TAOK3: variants seen among roughly 807,000 people sequenced by gnomAD.
TAOK3 encodes TAO kinase 3, also known as serine/threonine-protein kinase TAO3.
In TAOK3, 40 loss-of-function variants were observed where a neutral mutation model predicts 120.4. The ratio of observed to expected loss-of-function variants is 0.33; its 90% CI spans 0.26 to 0.43. TAOK3 has a LOEUF of 0.43. Ranked by LOEUF, TAOK3 falls within the 20% of genes least tolerant of loss-of-function variation. The pLI is 1.00. For missense variants in TAOK3, 821 were observed against 1,112.1 expected (o/e 0.74, Z 3.72); for synonymous variants, 355 against 387.5 (o/e 0.92, Z 0.99).
At chr12:118,191,321 T>C (rs2037418638) in intron 13 of TAOK3, among the ~76,000 whole-genome samples, 2 of 152,348 alleles carry the variant, frequency 1.3e-5, no homozygotes, top group South Asian at 4.1e-4. Flanking sequence ...TAAATTTATG[T>C]ATTATAGCTC....
chr12:118,253,025 C>T (rs368099833), intron 3 of TAOK3, among the ~76,000 whole-genome samples: 1 of 151,674 alleles, frequency 6.6e-6, no homozygotes, highest in Non-Finnish European at 1.5e-5. Flanking sequence ...TGCGCCCAGC[C>T]GAAATTAGCA....
intron 9 of TAOK3, among the ~76,000 whole-genome samples, chr12:118,228,348 C>T (rs1035293624): frequency 1.3e-5 from 2 of 151,914 alleles, no homozygotes; most frequent in African/African-American, 4.8e-5. Flanking sequence ...GATGGGGTTT[C>T]GGCATGTTGG....
intron 1 of TAOK3, among the ~76,000 whole-genome samples, chr12:118,279,728 C>T (rs1430080011): frequency 1.3e-5 from 2 of 150,570 alleles, no homozygotes; most frequent in Non-Finnish European, 3.0e-5. Context: ...GGGCTACAGG[C>T]ATGCAACACC....
chr12:118,335,538 G>A (rs2044332380), intron 1 of TAOK3, among the ~76,000 whole-genome samples: 1 of 151,714 alleles, frequency 6.6e-6, no homozygotes, highest in Non-Finnish European at 1.5e-5. Flanking sequence ...TATTAAAGAA[G>A]AATTAACACA....
intron 1 of TAOK3, among the ~76,000 whole-genome samples, chr12:118,338,144 G>A (rs1016419051): frequency 1.3e-5 from 2 of 152,132 alleles, no homozygotes; most frequent in South Asian, 2.1e-4. Flanking sequence ...AGCATTTATT[G>A]AGTTGCTCTT....
At position 118,371,473 on chromosome 12, in the gene TAOK3, T is replaced by C. The variant is rs55851127; in HGVS notation, c.-194+1175A>G. ...AGCCAGCCCCACCAGCCCCTCCAGC[T>C]CCTCCAGCCCATGCGTTTCACTTCA... On this transcript the variant is annotated intron_variant, in intron 1 of 20. Transcript: ENST00000392533. The surrounding 1 kb of genome is among the most constrained non-coding windows in gnomAD (Gnocchi z 5.5). Among the ~76,000 whole-genome samples the C allele has an allele frequency of 8.5e-3, 1,293 of 152,070 alleles. 10 individuals carry two copies. Among genetic ancestry groups the C allele is most frequent in the Non-Finnish European group, 0.014 (980 of 67,980 alleles).
rs953328389 is a variant in TAOK3, at chr12:118,161,157, G to A, written c.2139+631C>T. Among the ~76,000 whole-genome samples the A allele has an allele frequency of 6.6e-5, 10 of 152,212 alleles. No individual in the cohort carries two copies. The highest frequency in any genetic ancestry group is 8.8e-5 in the Non-Finnish European group (6 of 68,038). Reference sequence around the variant, plus strand: ...GAGACGCATAGCCAGTGTGATCCAGGTTGGCCTCATATCTGTGGCAACACT... The same window carrying A: ...GAGACGCATAGCCAGTGTGATCCAGATTGGCCTCATATCTGTGGCAACACT... On this transcript the variant is annotated intron_variant, in intron 18 of 20. Transcript: ENST00000392533. This position sits in a 1 kb window ranked among gnomAD's most constrained non-coding sequence, Gnocchi z 4.5.
intron 2 of TAOK3, among the ~76,000 whole-genome samples, chr12:118,262,924 A>G (rs2041295594): frequency 6.6e-6 from 1 of 152,124 alleles, no homozygotes. Flanking sequence ...TGACATAAAG[A>G]CATAATGAAG....
intron 1 of TAOK3, among the ~76,000 whole-genome samples, chr12:118,294,016 A>C (rs79754211): frequency 2.1e-5 from 3 of 144,388 alleles, no homozygotes; most frequent in African/African-American, 5.2e-5. Flanking sequence ...ACTCCATTTC[A>C]AAAAAAAAAA....
intron 13 of TAOK3, among the ~76,000 whole-genome samples, chr12:118,196,050 AAAATAAATAAATAAAT>A (rs200676149): frequency 2.2e-4 from 30 of 138,204 alleles, no homozygotes; most frequent in African/African-American, 4.9e-4. Context: ...ACTCCATCTC[AAAATAAATAAATAAAT>A]AAATAAATAA....
At chr12:118,338,782 G>A (rs138233548) in intron 1 of TAOK3, among the ~76,000 whole-genome samples, 3,564 of 87,694 alleles carry the variant, frequency 0.041, 149 homozygotes, top group African/African-American at 0.14. Flanking sequence ...GTGAGACTCC[G>A]TCTCAAAAAA....
intron 19 of TAOK3, among the ~76,000 whole-genome samples, chr12:118,158,019 C>T (rs1192278708): frequency 1.3e-5 from 2 of 152,208 alleles, no homozygotes; most frequent in African/African-American, 4.8e-5. Flanking sequence ...AGTCCCACCA[C>T]TCCACTGATT....
At chr12:118,313,038 A>C (rs771479202) in intron 1 of TAOK3, among the ~76,000 whole-genome samples, 1 of 152,200 alleles carries the variant, frequency 6.6e-6, no homozygotes, top group Non-Finnish European at 1.5e-5. Context: ...AAGACGGAAA[A>C]ATGCAGAAAA....
At chr12:118,293,347 A>G (rs2042552406) in intron 1 of TAOK3, among the ~76,000 whole-genome samples, 1 of 152,208 alleles carries the variant, frequency 6.6e-6, no homozygotes, top group African/African-American at 2.4e-5. Context: ...ATACACAGTC[A>G]AGTTTTATGC....
intron 2 of TAOK3, among the ~76,000 whole-genome samples, chr12:118,261,892 C>T (rs781583405): frequency 6.6e-6 from 1 of 152,086 alleles, no homozygotes; most frequent in African/African-American, 2.4e-5. Context: ...CTTACTCTGC[C>T]CTCTGTCACC....
intron 3 of TAOK3, chr12:118,246,423 A>T: frequency 7.0e-7 from 1 of 1,426,528 alleles, no homozygotes; most frequent in Non-Finnish European, 9.7e-7. Flanking sequence ...GCCAGTGCAG[A>T]AGCAGACCCG....
At chr12:118,318,392 G>A (rs969670325) in intron 1 of TAOK3, among the ~76,000 whole-genome samples, 8 of 152,042 alleles carry the variant, frequency 5.3e-5, no homozygotes, top group South Asian at 4.1e-4. Flanking sequence ...TCTAGACCTC[G>A]TGATCTGCCT....
chr12:118,348,051 T>C (rs552875045), intron 1 of TAOK3, among the ~76,000 whole-genome samples: 1 of 152,336 alleles, frequency 6.6e-6, no homozygotes, highest in East Asian at 1.9e-4. Context: ...TCCCTGAATA[T>C]CCTACATTTT....
At chr12:118,196,802 G>A (rs1296278099) in intron 13 of TAOK3, among the ~76,000 whole-genome samples, 3 of 152,020 alleles carry the variant, frequency 2.0e-5, no homozygotes, top group African/African-American at 4.8e-5. Context: ...GGTTTTGTTG[G>A]TCTATTCATT....
Sources: gnomAD v4.1 joint callset for allele counts (sites outside exome capture counted in the v4.1 genomes callset) on GRCh38, gnomAD v4.1.1 for gene constraint, Gnocchi (gnomAD v3.1) non-coding constraint, MANE v1.5 for transcripts, NCBI Gene and HGNC (gene_info 2026-07-23, HGNC 2026-07-21) for gene names.